CRB1: variants seen among roughly 807,000 people sequenced by gnomAD.
CRB1 encodes protein crumbs homolog 1.
In CRB1, 83 loss-of-function variants were observed where a neutral mutation model predicts 120.0. The observed-to-expected ratio is 0.69, with a 90% CI of 0.58 to 0.83. The LOEUF (loss-of-function observed/expected upper bound fraction) is 0.83, where lower values mean the gene tolerates loss of function less well. Ranked by LOEUF, CRB1 falls within the 40% of genes least tolerant of loss-of-function variation. The pLI is 0.00. For missense variants in CRB1, 1,699 were observed against 1,687.6 expected (o/e 1.01, Z -0.12); for synonymous variants, 625 against 612.5 (o/e 1.02, Z -0.30).
intron 5 of CRB1, among the ~76,000 whole-genome samples, chr1:197,361,157 C>G (rs1296861365): frequency 6.7e-6 from 1 of 149,946 alleles, no homozygotes; most frequent in Non-Finnish European, 1.5e-5. Flanking sequence ...TTTTTTGCTT[C>G]TAAGTTCATG....
At chr1:197,364,829 T>C (rs1328010266) in intron 5 of CRB1, among the ~76,000 whole-genome samples, 7 of 152,222 alleles carry the variant, frequency 4.6e-5, no homozygotes, top group Non-Finnish European at 7.3e-5. Context: ...TTTATGCTGG[T>C]TGTTTTAAAA....
At chr1:197,227,393 CTTTT>C in the CRB1 span, among the ~76,000 whole-genome samples, 1 of 138,120 alleles carries the variant, frequency 7.2e-6, no homozygotes, top group Non-Finnish European at 1.6e-5. Flanking sequence ...TTTTCTTTTT[CTTTT>C]TTTTTTTTTT....
chr1:197,315,471 A>G (rs922610510), intron 1 of CRB1, among the ~76,000 whole-genome samples: 1 of 152,256 alleles, frequency 6.6e-6, no homozygotes, highest in Non-Finnish European at 1.5e-5. Context: ...CTGTGCCTGC[A>G]TAAAACTAAA....
intron 11 of CRB1, among the ~76,000 whole-genome samples, chr1:197,463,966 G>A (rs979277054): frequency 3.3e-5 from 5 of 152,264 alleles, no homozygotes; most frequent in Admixed American, 2.0e-4. Context: ...ACAAATAGCA[G>A]CAAACGAATT....
intron 3 of CRB1, among the ~76,000 whole-genome samples, chr1:197,346,169 A>G (rs1659761308): frequency 6.6e-6 from 1 of 152,160 alleles, no homozygotes; most frequent in African/African-American, 2.4e-5. Context: ...CTATTGTACC[A>G]TTATCTCTTA....
chr1:197,373,803 CTGGCCCATTGCTAGG>C (rs1294139618), intron 5 of CRB1, among the ~76,000 whole-genome samples: 2 of 152,176 alleles, frequency 1.3e-5, no homozygotes, highest in African/African-American at 4.8e-5. Context: ...ATGTTTACTA[CTGGCCCATTGCTAGG>C]TGGCCTTTAT....
At chr1:197,233,044 A>C in the CRB1 span, among the ~76,000 whole-genome samples, 2 of 151,992 alleles carry the variant, frequency 1.3e-5, no homozygotes, top group African/African-American at 4.8e-5. Flanking sequence ...CACAACTCCC[A>C]CTTTGGTTCT....
intron 1 of CRB1, among the ~76,000 whole-genome samples, chr1:197,270,005 T>C (rs1654822198): frequency 6.6e-6 from 1 of 152,214 alleles, no homozygotes; most frequent in African/African-American, 2.4e-5. Context: ...TTTGTCTGTG[T>C]TGATATATTT....
At chr1:197,294,876 A>G (rs1314561619) in intron 1 of CRB1, among the ~76,000 whole-genome samples, 1 of 152,002 alleles carries the variant, frequency 6.6e-6, no homozygotes, top group African/African-American at 2.4e-5. Context: ...TGGACACAGG[A>G]AGGGGAACAT....
At chr1:197,451,507 A>G (rs1218512475) in intron 11 of CRB1, among the ~76,000 whole-genome samples, 1 of 152,172 alleles carries the variant, frequency 6.6e-6, no homozygotes, top group Admixed American at 6.5e-5. Context: ...TTTCCCTAAG[A>G]ATGTGATATT....
chr1:197,421,593 G>A lies in CRB1; in HGVS notation c.1765G>A (p.Glu589Lys). ...TACCTTAATCGACGACTCCTGTAAG[G>A]AGAAATGCATCGCGAAAGCTCCTAC... is the stretch of plus-strand genomic sequence containing the variant. ...TLTLIDDSCK[E>K]KCIAKAPTPL... The change falls in exon 6 of 12, where the codon GAG (glutamate) becomes AAG (lysine). Residue 589 changes from glutamate (E) to lysine (K), a missense_variant. By Grantham distance (56) the Glu-to-Lys change is moderately conservative. Coordinates refer to ENST00000367400, the MANE Select transcript of CRB1 (RefSeq NM_201253.3). 6.2e-7 allele frequency: 1 copy of A among 1,614,212 alleles called. No homozygotes were observed. The highest frequency in any genetic ancestry group is 8.5e-7 in the Non-Finnish European group (1 of 1,180,036).
intron 5 of CRB1, among the ~76,000 whole-genome samples, chr1:197,391,833 C>T (rs1662520717): frequency 6.6e-6 from 1 of 151,750 alleles, no homozygotes; most frequent in South Asian, 2.1e-4. Flanking sequence ...AGCAACAGAC[C>T]CTCCTACAGT....
At chr1:197,453,404 T>A (rs1666071116) in intron 11 of CRB1, among the ~76,000 whole-genome samples, 1 of 147,542 alleles carries the variant, frequency 6.8e-6, no homozygotes, top group South Asian at 2.1e-4. Flanking sequence ...AACATACTTA[T>A]ATACTAATTT....
chr1:197,282,575 T>C (rs1436231670), intron 1 of CRB1, among the ~76,000 whole-genome samples: 2 of 151,910 alleles, frequency 1.3e-5, no homozygotes, highest in African/African-American at 4.8e-5. Flanking sequence ...ATTGTGTTGC[T>C]TTGGGATCAA....
At position 197,435,162 on chromosome 1, in the gene CRB1, T is replaced by C. The variant is rs62635659; in HGVS notation, c.3299T>C (p.Ile1100Thr). Residue 1100 changes from isoleucine to threonine, a missense_variant, in exon 9 of 12, where the codon ATA becomes ACA. Transcript: ENST00000367400. ...GGCCTGCAAGGGTGTCTAAGTACAA[T>C]AGAAATCGGAGGCATTTATCTCTCT... ...IKGLQGCLST[I>T]EIGGIYLSYF... 3 of 1,613,924 alleles carry C rather than the reference T, an allele frequency of 1.9e-6. No individual in the cohort carries two copies. The highest frequency in any genetic ancestry group is 8.5e-7 in the Non-Finnish European group (1 of 1,179,856).
chr1:197,269,719 C>G (rs489839), intron 1 of CRB1, among the ~76,000 whole-genome samples: 42,096 of 151,892 alleles, frequency 0.28, 7,191 homozygotes, highest in African/African-American at 0.49. Context: ...TTATGGCAAA[C>G]AGCTTTGTCA....
At chr1:197,293,207 AGCAAATTCTCAGGAT>A (rs1446480233) in intron 1 of CRB1, among the ~76,000 whole-genome samples, 16 of 152,206 alleles carry the variant, frequency 1.1e-4, no homozygotes, top group Non-Finnish European at 2.9e-5. Flanking sequence ...AAGAAACTTC[AGCAAATTCTCAGGAT>A]GCAAAATCAA....
chr1:197,319,432 CAA>C (rs10646084), intron 1 of CRB1, among the ~76,000 whole-genome samples: 4 of 27,096 alleles, frequency 1.5e-4, no homozygotes, highest in South Asian at 3.5e-3. Flanking sequence ...GACTCCATCT[CAA>C]AAAAAAAAAA....
Position 197,435,180 on chromosome 1 carries a change from A to T in CRB1, c.3317A>T (p.Tyr1106Phe), listed in dbSNP as rs115649214. ...CLSTIEIGGI[Y>F]LSYFENVHGF... ...AGTACAATAGAAATCGGAGGCATTT[A>T]TCTCTCTTACTTTGAAAATGTTCAT... The change falls in exon 9 of 12, where the codon TAT (tyrosine) becomes TTT (phenylalanine). Residue 1106 changes from tyrosine to phenylalanine, a missense_variant. Coordinates refer to ENST00000367400, the MANE Select transcript of CRB1 (RefSeq NM_201253.3). 6 of 1,613,944 alleles carry T rather than the reference A, an allele frequency of 3.7e-6. No individual in the cohort carries two copies. In the South Asian group the frequency reaches 5.5e-5, roughly 15 times the overall value.
Sources: gnomAD v4.1 joint callset for allele counts (sites outside exome capture counted in the v4.1 genomes callset) on GRCh38, gnomAD v4.1.1 for gene constraint, MANE v1.5 for transcripts, NCBI Gene and HGNC (gene_info 2026-07-23, HGNC 2026-07-21) for gene names.